PCNX2: variants seen among roughly 807,000 people sequenced by gnomAD.
PCNX2 encodes pecanex 2.
In PCNX2, 168 loss-of-function variants were observed where a neutral mutation model predicts 223.8. That is an observed-to-expected ratio of 0.75 (90% CI 0.66 to 0.85). PCNX2 has a LOEUF of 0.85. Among genes scored for constraint, PCNX2 ranks in the 40% least tolerant of loss-of-function variants. PCNX2 has a pLI of 0.00. For missense variants in PCNX2, 2,507 were observed against 2,675.5 expected (o/e 0.94, Z 1.39); for synonymous variants, 1,006 against 1,052.6 (o/e 0.96, Z 0.86).
In PCNX2 at chr1:233,252,822, T is replaced by C. The variant is rs549488065; in HGVS notation, c.1835-34A>G. On this transcript the variant is annotated intron_variant, in intron 5 of 33. Coordinates refer to ENST00000258229, the MANE Select transcript of PCNX2 (RefSeq NM_014801.4). ...CATTGCTTTACTTGTTAATTTAATA[T>C]AAAATAAATCAATGTGAAAACTCTG... is the stretch of plus-strand genomic sequence containing the variant. 3.9e-4 allele frequency: 593 copies of C among 1,522,908 alleles called. 1 individual carries two copies. The South Asian group carries it at 5.5e-3, about 14-fold the overall frequency. The allele number at this position is 1,522,908 out of a possible 1,614,324, so 94.3% of individuals were successfully genotyped here.
At chr1:233,221,129 A>T (rs1558359520) in intron 10 of PCNX2, among the ~76,000 whole-genome samples, 1 of 152,186 alleles carries the variant, frequency 6.6e-6, no homozygotes, top group Non-Finnish European at 1.5e-5. Flanking sequence ...AATAGGGTAG[A>T]AAGATAACAT....
At position 233,198,904 on chromosome 1, in the gene PCNX2, C is replaced by T. The variant is rs775883449; in HGVS notation, c.3066+35G>A. 16 of 1,511,442 alleles carry T rather than the reference C, an allele frequency of 1.1e-5. No homozygotes were observed. The Admixed American group carries it at 1.7e-4, about 16-fold the overall frequency. The allele number at this position is 1,511,442 out of a possible 1,614,324, so 93.6% of individuals were successfully genotyped here. ...AAAAAAATAAGTTAATTTAATGAAT[C>T]GAGAAGGATGAGGGCCCATGGTCCT... On this transcript the variant is annotated intron_variant, in intron 15 of 33. Transcript: ENST00000258229.
In PCNX2 at chr1:233,223,388, T is replaced by C. The variant is rs1020395108; in HGVS notation, c.2504+3838A>G. On this transcript the variant is annotated intron_variant, in intron 10 of 33. Coordinates refer to ENST00000258229, the MANE Select transcript of PCNX2 (RefSeq NM_014801.4). Reference sequence around the variant, plus strand: ...AACACAGGCAACCCTTCAAGGAGTTTTGCTGCAAAGAGGAGCAGAGAAACA... The same window carrying C: ...AACACAGGCAACCCTTCAAGGAGTTCTGCTGCAAAGAGGAGCAGAGAAACA... Among the ~76,000 whole-genome samples, 4 of 152,102 alleles carry C rather than the reference T, an allele frequency of 2.6e-5. 1 individual carries two copies. The South Asian group carries it at 6.2e-4, about 24-fold the overall frequency.
chr1:233,035,590 T>C (rs1224564769), intron 25 of PCNX2, among the ~76,000 whole-genome samples: 1 of 152,220 alleles, frequency 6.6e-6, no homozygotes. Flanking sequence ...AATCACGCTC[T>C]CACTCACAAA....
At chr1:233,220,105 G>A (rs1035968429) in intron 10 of PCNX2, among the ~76,000 whole-genome samples, 1 of 152,122 alleles carries the variant, frequency 6.6e-6, no homozygotes, top group Non-Finnish European at 1.5e-5. Context: ...TGTCTCTGTG[G>A]CTTGGTGCCT....
At chr1:233,300,091 G>A (rs1207631156), upstream of PCNX2, among the ~76,000 whole-genome samples, 1 of 152,118 alleles carries the variant, frequency 6.6e-6, no homozygotes, top group Non-Finnish European at 1.5e-5. Flanking sequence ...CCCTCAGCAT[G>A]TCAACATATC....
At chr1:233,195,690 C>T (rs1260226316) in intron 15 of PCNX2, among the ~76,000 whole-genome samples, 1 of 152,066 alleles carries the variant, frequency 6.6e-6, no homozygotes, top group Non-Finnish European at 1.5e-5. Context: ...AAACACAATG[C>T]CATTTAAAAT....
At position 233,124,875 on chromosome 1, in the gene PCNX2, A is replaced by G. The variant is rs145503306; in HGVS notation, c.3837+10138T>C. Among the ~76,000 whole-genome samples, 485 of 152,340 alleles carry G rather than the reference A, an allele frequency of 3.2e-3. 2 individuals carry two copies. Among genetic ancestry groups the G allele is most frequent in the African/African-American group, 0.011 (470 of 41,574 alleles). On this transcript the variant is annotated intron_variant, in intron 21 of 33. Transcript: ENST00000258229. ...TTCACCTCTTCTGGACCAATAAAGA[A>G]TCAACAGCCCTAAAGTGGTTGTGAT...
rs71173251 is a variant in PCNX2 at position 233,119,403 on chromosome 1, C to CAAAAAAAAAAAAAA, written c.3837+15596_3837+15609dup. The stretch of plus-strand genomic sequence containing the variant: ...TGAAACCCCGTCTCTACTAAAAATA[C>CAAAAAAAAAAAAAA]AAAAAAAAAAAAAAAAAAAAAAAAA... On this transcript the variant is annotated intron_variant, in intron 21 of 33. Transcript: ENST00000258229. Among the ~76,000 whole-genome samples the CAAAAAAAAAAAAAA allele has an allele frequency of 8.0e-4, 31 of 38,626 alleles. 1 individual carries two copies. Among genetic ancestry groups the CAAAAAAAAAAAAAA allele is most frequent in the East Asian group, 1.4e-3 (2 of 1,432 alleles). The allele number at this position is 38,626 out of a possible 152,430, so 25.3% of individuals were successfully genotyped here.
At chr1:233,271,779 G>A (rs1428924601) in intron 1 of PCNX2, among the ~76,000 whole-genome samples, 1 of 152,120 alleles carries the variant, frequency 6.6e-6, no homozygotes, top group Non-Finnish European at 1.5e-5. Flanking sequence ...AGATCAGTTG[G>A]CTGTAAGTAT....
At chr1:233,229,529 A>G (rs1334043634) in intron 9 of PCNX2, among the ~76,000 whole-genome samples, 2 of 152,192 alleles carry the variant, frequency 1.3e-5, no homozygotes, top group African/African-American at 4.8e-5. Context: ...AATAAGAATC[A>G]GGTGCACAGG....
intron 1 of PCNX2, among the ~76,000 whole-genome samples, chr1:233,286,999 T>C (rs2103025165): frequency 6.6e-6 from 1 of 152,336 alleles, no homozygotes; most frequent in African/African-American, 2.4e-5. Context: ...CATCATAAAA[T>C]TTGTATAAGC....
chr1:233,305,417 C>A, the PCNX2 span, among the ~76,000 whole-genome samples: 2 of 152,054 alleles, frequency 1.3e-5, no homozygotes, highest in Non-Finnish European at 2.9e-5. Flanking sequence ...CTAGGGCAAT[C>A]ACTAAAATAT....
chr1:233,067,718 C>G (rs574918325), intron 23 of PCNX2, among the ~76,000 whole-genome samples: 1 of 152,094 alleles, frequency 6.6e-6, no homozygotes, highest in East Asian at 1.9e-4. Flanking sequence ...AGTGATCCAC[C>G]GGCCTCGGCC....
At chr1:233,065,916 C>G (rs1672584791) in intron 23 of PCNX2, among the ~76,000 whole-genome samples, 1 of 152,136 alleles carries the variant, frequency 6.6e-6, no homozygotes, top group African/African-American at 2.4e-5. Context: ...CAAATTAAAG[C>G]CTGAAAACCA....
At chr1:233,067,007 C>T (rs572338002) in intron 23 of PCNX2, among the ~76,000 whole-genome samples, 5 of 152,184 alleles carry the variant, frequency 3.3e-5, no homozygotes, top group Admixed American at 2.6e-4. Context: ...CCTCTCCCAT[C>T]TCAAGAGTCA....
At chr1:233,184,125 G>A (rs1489471908) in intron 15 of PCNX2, among the ~76,000 whole-genome samples, 1 of 152,200 alleles carries the variant, frequency 6.6e-6, no homozygotes, top group African/African-American at 2.4e-5. Context: ...ATTTTGTGAA[G>A]GTGGAACCTT....
At chr1:233,112,726 A>T in intron 21 of PCNX2, 8 of 679,344 alleles carry the variant, frequency 1.2e-5, no homozygotes, top group South Asian at 7.7e-5. Context: ...ATATAACTAA[A>T]TTCACATATT....
At chr1:233,278,815 A>T (rs982593888) in intron 1 of PCNX2, among the ~76,000 whole-genome samples, 2 of 152,186 alleles carry the variant, frequency 1.3e-5, no homozygotes, top group African/African-American at 2.4e-5. Flanking sequence ...TCTGGCATCC[A>T]GTTTTAGCTT....
Sources: allele counts gnomAD v4.1 joint callset (sites outside exome capture counted in the v4.1 genomes callset), GRCh38; gene constraint gnomAD v4.1.1; transcripts MANE v1.5; gene names NCBI Gene and HGNC (gene_info 2026-07-23, HGNC 2026-07-21).